Variants in KLHL22 observed in about 807,000 individuals in gnomAD.
KLHL22 encodes the protein kelch-like protein 22.
In KLHL22, 18 loss-of-function variants were observed where a neutral mutation model predicts 60.7. The ratio of observed to expected loss-of-function variants is 0.30; its 90% CI spans 0.20 to 0.44. The LOEUF is 0.44. Ranked by LOEUF, KLHL22 falls within the 20% of genes least tolerant of loss-of-function variation. The pLI, the probability that KLHL22 is intolerant of heterozygous loss-of-function variation, is 1.00. For synonymous variants in KLHL22, 355 were observed against 354.5 expected, an observed-to-expected ratio of 1.00 and a Z score of -0.01; for missense variants, 596 against 852.3, an observed-to-expected ratio of 0.70 and a Z score of 3.74.
intron 1 of KLHL22, among the ~76,000 whole-genome samples, chr22:20,494,609 T>C (rs966149364): frequency 1.3e-5 from 2 of 152,100 alleles, no homozygotes; most frequent in Non-Finnish European, 2.9e-5. Context: ...TCTCCTGACC[T>C]CAGGTGATCT....
chr22:20,467,804 GC>G (rs1166701889), intron 3 of KLHL22, among the ~76,000 whole-genome samples: 1 of 152,062 alleles, frequency 6.6e-6, no homozygotes, highest in Non-Finnish European at 1.5e-5. Flanking sequence ...GACAACAGAC[GC>G]CCGCCACCAC....
chr22:20,446,323 A>C, intron 6 of KLHL22, 120 bp downstream of exon 6: 2 of 708,368 alleles, frequency 2.8e-6, no homozygotes, highest in Non-Finnish European at 4.9e-6. Context: ...TGTGAACCTA[A>C]AACTGCTCTA....
intron 3 of KLHL22, 75 bp downstream of exon 3, chr22:20,471,275 C>T: frequency 7.0e-7 from 1 of 1,433,304 alleles, no homozygotes; most frequent in South Asian, 1.3e-5. Context: ...ATGCTAGTGC[C>T]CGGCAGGCAT....
At chr22:20,451,010 C>A in intron 5 of KLHL22, 1 of 1,535,540 alleles carries the variant, frequency 6.5e-7, no homozygotes, top group East Asian at 2.3e-5. Flanking sequence ...CCCATCGATG[C>A]AGTAGAGAAA....
intron 6 of KLHL22, among the ~76,000 whole-genome samples, chr22:20,445,012 T>C (rs2052833846): frequency 6.6e-6 from 1 of 152,006 alleles, no homozygotes; most frequent in Non-Finnish European, 1.5e-5. Context: ...TATCAGTTCC[T>C]GGACTCAAGC....
At chr22:20,485,659 G>A (rs954543707) in intron 2 of KLHL22, among the ~76,000 whole-genome samples, 2 of 152,198 alleles carry the variant, frequency 1.3e-5, no homozygotes, top group Admixed American at 6.5e-5. Context: ...CCTGAGGTCA[G>A]GAGTTGGAGA....
chr22:20,465,145 C>A lies in KLHL22; in HGVS notation c.825G>T (p.Met275Ile). Residue 275 changes from methionine to isoleucine, a missense_variant, in exon 4 of 7, where the codon ATG (methionine) becomes ATT (isoleucine). By Grantham distance (10) the Met-to-Ile change is conservative. Transcript: ENST00000328879. This position sits in a 1 kb window ranked among gnomAD's most constrained non-coding sequence, Gnocchi z 4.9. ...PLRDTVASALMYHRNESLQPS... is the reference protein window; with the variant it reads ...PLRDTVASALIYHRNESLQPS... ...GCTGTAGGCTCTCGTTCCGGTGGTA[C>A]ATGAGGGCGCTGGCCACTGTGTCCC... 3 of 1,613,938 alleles carry A rather than the reference C, an allele frequency of 1.9e-6. No individual in the cohort carries two copies. Among genetic ancestry groups the A allele is most frequent in the Non-Finnish European group, 2.5e-6 (3 of 1,180,024 alleles).
chr22:20,453,383 C>G (rs1211153293), intron 5 of KLHL22, among the ~76,000 whole-genome samples: 1 of 152,016 alleles, frequency 6.6e-6, no homozygotes, highest in Non-Finnish European at 1.5e-5. Flanking sequence ...CTAATTGCTC[C>G]AGTACTATTT....
At chr22:20,467,759 C>T (rs540606302) in intron 3 of KLHL22, among the ~76,000 whole-genome samples, 5 of 152,228 alleles carry the variant, frequency 3.3e-5, no homozygotes, top group Non-Finnish European at 5.9e-5. Context: ...CCCGGGTTCA[C>T]GCCATTCTCC....
Position 20,446,464 on chromosome 22 carries a change from T to A in KLHL22, c.1518A>T (p.Gly506=), listed in dbSNP as rs1424425855. 2.5e-6 allele frequency: 4 copies of A among 1,609,958 alleles called. No homozygotes were observed. Among genetic ancestry groups the A allele is most frequent in the African/African-American group, 1.3e-5 (1 of 74,904 alleles). ...YVIGGSNNDA[G]YRRDVHQVAC... ...TCACCTGGTGCACGTCCCTCCTGTA[T>A]CCGGCATCGTTGTTGCTGCCCCCGA... Residue 506 remains glycine (G), a synonymous_variant, in exon 6 of 7, where the codon GGA becomes GGT. Transcript: ENST00000328879.
At chr22:20,450,147 A>T in intron 5 of KLHL22, 1 of 793,144 alleles carries the variant, frequency 1.3e-6, no homozygotes, top group South Asian at 1.3e-5. Flanking sequence ...GCCCCCAAAG[A>T]CATAATGACA....
At chr22:20,478,844 T>C (rs2053454658) in intron 2 of KLHL22, among the ~76,000 whole-genome samples, 1 of 148,940 alleles carries the variant, frequency 6.7e-6, no homozygotes, top group Non-Finnish European at 1.5e-5. Context: ...ACATTCATTT[T>C]TGGGGCTGGG....
At chr22:20,482,677 G>T (rs2053522873) in intron 2 of KLHL22, 1 of 544,284 alleles carries the variant, frequency 1.8e-6, no homozygotes, top group Admixed American at 2.9e-5. Flanking sequence ...GGTTCAAGCG[G>T]TACTTCTGCC....
chr22:20,451,818 G>A, intron 5 of KLHL22: 1 of 1,604,920 alleles, frequency 6.2e-7, no homozygotes, highest in South Asian at 1.1e-5. Flanking sequence ...TTCTCCACAA[G>A]AAGTGACCAT....
At chr22:20,490,253 C>T (rs1284676676) in intron 1 of KLHL22, among the ~76,000 whole-genome samples, 2 of 152,222 alleles carry the variant, frequency 1.3e-5, no homozygotes. Flanking sequence ...TCATGCATCA[C>T]TTAATGTTGG....
At chr22:20,493,212 C>T (rs1265208253) in intron 1 of KLHL22, 3 of 471,196 alleles carry the variant, frequency 6.4e-6, no homozygotes, top group Non-Finnish European at 1.3e-5. Context: ...ACTCCCTAAA[C>T]CCATACTGCA....
Position 20,465,106 on chromosome 22 carries a change from G to A in KLHL22, c.864C>T (p.Ser288=), listed in dbSNP as rs769739048. Residue 288 remains serine, a synonymous_variant, in exon 4 of 7, where the codon AGC becomes AGT. Transcript: ENST00000328879. This position sits in a 1 kb window ranked among gnomAD's most constrained non-coding sequence, Gnocchi z 4.9. ...AGTCCGACCGCAGCTCCGTTTGCGG[G>A]CTCTGCAGGCTGGGCTGTAGGCTCT... The part of the protein sequence containing the change: ...RNESLQPSLQ[S]PQTELRSDFQ... 6 of 1,613,802 alleles carry A rather than the reference G, an allele frequency of 3.7e-6. No homozygotes were observed. In the South Asian group the frequency reaches 5.5e-5, roughly 15 times the overall value.
At chr22:20,480,634 C>T (rs982820681) in intron 2 of KLHL22, among the ~76,000 whole-genome samples, 3 of 152,098 alleles carry the variant, frequency 2.0e-5, no homozygotes, top group African/African-American at 7.2e-5. Context: ...AAGGTTCCAA[C>T]GTGAGAAATA....
At chr22:20,448,751 A>T (rs2052923150) in intron 5 of KLHL22, among the ~76,000 whole-genome samples, 1 of 152,104 alleles carries the variant, frequency 6.6e-6, no homozygotes, top group African/African-American at 2.4e-5. Flanking sequence ...AGTAGTTTTC[A>T]TTTCTCTGGG....
Sources: gnomAD v4.1 joint callset for allele counts (sites outside exome capture counted in the v4.1 genomes callset) on GRCh38, gnomAD v4.1.1 for gene constraint, Gnocchi (gnomAD v3.1) non-coding constraint, MANE v1.5 for transcripts, NCBI Gene and HGNC (gene_info 2026-07-23, HGNC 2026-07-21) for gene names.